STAU1: variants seen among roughly 807,000 people sequenced by gnomAD.
The protein encoded by STAU1 is double-stranded RNA-binding protein Staufen homolog 1.
In STAU1, 13 loss-of-function variants were observed where a neutral mutation model predicts 62.9. The observed-to-expected ratio is 0.21, with a 90% confidence interval of 0.13 to 0.33. The LOEUF (loss-of-function observed/expected upper bound fraction) is 0.33. Ranked by LOEUF, STAU1 falls within the 10% of genes least tolerant of loss-of-function variation. The probability of loss-of-function intolerance (pLI) is 1.00; values close to 1 mark genes in which losing one functional copy is unlikely to be tolerated. For synonymous variants in STAU1, 269 were observed against 265.1 expected (o/e 1.01, Z -0.14); for missense variants, 571 against 712.1 (o/e 0.80, Z 2.25).
At chr20:49,160,834 A>T (rs1000158751) in intron 3 of STAU1, among the ~76,000 whole-genome samples, 2 of 152,146 alleles carry the variant, frequency 1.3e-5, no homozygotes, top group African/African-American at 2.4e-5. Flanking sequence ...CTAACAAGTG[A>T]AAAAACTGTT....
chr20:49,114,688 C>A lies in STAU1; in HGVS notation c.*190G>T. 1.6e-6 allele frequency: 1 copy of A among 638,084 alleles called. No individual in the cohort carries two copies. Among genetic ancestry groups the A allele is most frequent in the Middle Eastern group, 4.3e-4 (1 of 2,330 alleles). The allele number at this position is 638,084 out of a possible 1,614,324, so 39.5% of individuals were successfully genotyped here. On this transcript the variant is annotated 3_prime_UTR_variant, in exon 14 of 14. Coordinates refer to ENST00000371856, the MANE Select transcript of STAU1 (RefSeq NM_017453.4). ...TCACCGAGTGGCCATCACAACAAAC[C>A]CCAGCACAGTCCAGCCCGGCCACAG... is the stretch of plus-strand genomic sequence containing the variant.
intron 2 of STAU1, among the ~76,000 whole-genome samples, chr20:49,168,009 T>C (rs186730294): frequency 1.6e-4 from 24 of 152,240 alleles, no homozygotes; most frequent in African/African-American, 5.8e-4. Flanking sequence ...AGAAAGGGTG[T>C]GGACCAAGGG....
intron 6 of STAU1, among the ~76,000 whole-genome samples, chr20:49,125,083 A>AAAAC (rs1555836392): frequency 1.3e-5 from 2 of 150,230 alleles, no homozygotes; most frequent in African/African-American, 2.4e-5. Context: ...AAAAAAAAAA[A>AAAAC]AAAAAAAACC....
intron 10 of STAU1, 42 bp downstream of exon 10, chr20:49,118,291 A>T: frequency 6.4e-7 from 1 of 1,569,024 alleles, no homozygotes; most frequent in Non-Finnish European, 8.7e-7. Context: ...TGCAAATCCC[A>T]GAATCACGTT....
chr20:49,131,085 C>CA (rs1415513883), intron 6 of STAU1, among the ~76,000 whole-genome samples: 5 of 151,998 alleles, frequency 3.3e-5, no homozygotes, highest in African/African-American at 1.2e-4. Context: ...GTGATCCTGC[C>CA]AAAAAACACA....
chr20:49,150,139 G>T (rs957459694), intron 5 of STAU1, among the ~76,000 whole-genome samples: 2 of 152,108 alleles, frequency 1.3e-5, no homozygotes, highest in African/African-American at 4.8e-5. Flanking sequence ...CTAATGCTTT[G>T]ACCCCTCAAT....
chr20:49,218,229 CTT>C, the STAU1 span, among the ~76,000 whole-genome samples: 2 of 139,514 alleles, frequency 1.4e-5, no homozygotes. Flanking sequence ...AAAGCCCAAT[CTT>C]TTTTTTTTTT....
chr20:49,128,746 G>C lies in STAU1; in HGVS notation c.610-4159C>G, dbSNP rs141333801. Reference sequence around the variant, plus strand: ...TAAAGGACTGTCTCTTCAACAAACAGTGCAGGCACAATTAGACATCCAAAT... The same window carrying C: ...TAAAGGACTGTCTCTTCAACAAACACTGCAGGCACAATTAGACATCCAAAT... On this transcript the variant is annotated intron_variant, in intron 6 of 13. Coordinates refer to ENST00000371856, the MANE Select transcript of STAU1 (RefSeq NM_017453.4). Among the ~76,000 whole-genome samples, 778 of 126,124 alleles carry C rather than the reference G, an allele frequency of 6.2e-3. 8 individuals are homozygous for C. The highest frequency in any genetic ancestry group is 9.5e-3 in the Non-Finnish European group (591 of 62,178). 82.7% of individuals were successfully genotyped at this position (126,124 alleles called of 152,430 possible). A position where few individuals can be genotyped will look rare whatever the true frequency, so the allele number is the denominator to read the frequency against.
intron 5 of STAU1, among the ~76,000 whole-genome samples, chr20:49,149,685 A>G (rs1373181444): frequency 2.0e-5 from 3 of 152,190 alleles, no homozygotes; most frequent in Non-Finnish European, 4.4e-5. Flanking sequence ...CTCCTCTTTT[A>G]GTTACAGCCT....
chr20:49,130,576 G>T (rs990869707), intron 6 of STAU1, among the ~76,000 whole-genome samples: 1 of 152,030 alleles, frequency 6.6e-6, no homozygotes, highest in Non-Finnish European at 1.5e-5. Flanking sequence ...TAACAATGGA[G>T]TAATACTTTG....
At chr20:49,139,032 C>T (rs2092951406) in intron 5 of STAU1, among the ~76,000 whole-genome samples, 2 of 151,836 alleles carry the variant, frequency 1.3e-5, no homozygotes, top group Admixed American at 1.3e-4. Context: ...GCTAGGAAAA[C>T]TAGATATCCA....
chr20:49,199,840 T>G, the STAU1 span, among the ~76,000 whole-genome samples: 1 of 152,084 alleles, frequency 6.6e-6, no homozygotes, highest in African/African-American at 2.4e-5. Context: ...TCCCAAAGTG[T>G]TGGGATTACA....
intron 2 of STAU1, among the ~76,000 whole-genome samples, chr20:49,173,799 C>T (rs2093626648): frequency 6.6e-6 from 1 of 152,132 alleles, no homozygotes; most frequent in East Asian, 1.9e-4. Flanking sequence ...CCCTATCTCA[C>T]AATAGAAAAC....
intron 13 of STAU1, among the ~76,000 whole-genome samples, chr20:49,115,120 GTC>G: frequency 6.6e-6 from 1 of 151,622 alleles, no homozygotes; most frequent in Middle Eastern, 3.4e-3. Context: ...AGAAATATAT[GTC>G]TATATTTGTA....
intron 3 of STAU1, among the ~76,000 whole-genome samples, chr20:49,164,322 G>C (rs781290888): frequency 6.6e-6 from 1 of 151,198 alleles, no homozygotes; most frequent in African/African-American, 2.4e-5. Context: ...TTTGAGACAG[G>C]GTCTCGCTCT....
At chr20:49,158,001 G>A (rs1186369611) in intron 3 of STAU1, among the ~76,000 whole-genome samples, 1 of 152,108 alleles carries the variant, frequency 6.6e-6, no homozygotes, top group Non-Finnish European at 1.5e-5. Context: ...AATTGAAGCG[G>A]CCGGGTGTGG....
intron 6 of STAU1, among the ~76,000 whole-genome samples, chr20:49,130,792 C>G (rs2092731956): frequency 6.6e-6 from 1 of 152,136 alleles, no homozygotes; most frequent in Non-Finnish European, 1.5e-5. Context: ...AATCCCAGCA[C>G]TCTGGGAGGC....
intron 5 of STAU1, among the ~76,000 whole-genome samples, chr20:49,140,933 G>A (rs2092992275): frequency 6.7e-6 from 1 of 149,600 alleles, no homozygotes; most frequent in Non-Finnish European, 1.5e-5. Flanking sequence ...AAGCTTGACA[G>A]CTGTTTCCCT....
intron 1 of STAU1, among the ~76,000 whole-genome samples, chr20:49,184,875 AC>A (rs2093769113): frequency 6.6e-6 from 1 of 152,148 alleles, no homozygotes; most frequent in Non-Finnish European, 1.5e-5. Context: ...AAGTACACCT[AC>A]AAAACTCAAA....
Sources: allele counts gnomAD v4.1 joint callset (sites outside exome capture counted in the v4.1 genomes callset), GRCh38; gene constraint gnomAD v4.1.1; transcripts MANE v1.5; gene names NCBI Gene and HGNC (gene_info 2026-07-23, HGNC 2026-07-21).